The following SCN11A variants were observed in gnomAD, a reference collection of about 807,000 sequenced individuals.
The protein encoded by SCN11A is sodium channel protein type 11 subunit alpha.
In SCN11A, 122 loss-of-function variants were observed where a neutral mutation model predicts 162.2. That is an observed-to-expected ratio of 0.75 (90% confidence interval 0.65 to 0.87). The LOEUF (loss-of-function observed/expected upper bound fraction) is 0.87. Among genes scored for constraint, SCN11A ranks in the 40% least tolerant of loss-of-function variants. The pLI is 0.00. For missense variants in SCN11A, 2,015 were observed against 2,181.6 expected, an observed-to-expected ratio of 0.92 and a Z score of 1.52; for synonymous variants, 758 against 751.5, an observed-to-expected ratio of 1.01 and a Z score of -0.14.
chr3:39,005,564 C>T (rs57435652), intron 2 of SCN11A, among the ~76,000 whole-genome samples: 23,134 of 152,252 alleles, frequency 0.15, 3,503 homozygotes, highest in African/African-American at 0.39. Flanking sequence ...CTCAAAGTGC[C>T]CATTTACAGT....
At chr3:38,949,574 T>C (rs2066569286) in intron 5 of SCN11A, among the ~76,000 whole-genome samples, 1 of 152,210 alleles carries the variant, frequency 6.6e-6, no homozygotes, top group African/African-American at 2.4e-5. Flanking sequence ...GTTTTTAAGG[T>C]AAAATCTTGT....
At chr3:38,883,591 C>T (rs1219129768) in intron 21 of SCN11A, among the ~76,000 whole-genome samples, 1 of 152,154 alleles carries the variant, frequency 6.6e-6, no homozygotes, top group African/African-American at 2.4e-5. Flanking sequence ...GAATGGAAGT[C>T]ACACTGTGCC....
chr3:38,950,616 A>G lies in SCN11A; in HGVS notation c.-7-247T>C, dbSNP rs35946914. On this transcript the variant is annotated intron_variant, in intron 4 of 29. Transcript: ENST00000302328. ...GCATCATTCCTGGAGGACCTGGCAA[A>G]AGGCGGGAAGTTGAGTTCAGGAACA... is the stretch of plus-strand genomic sequence containing the variant. 0.36 allele frequency: 172,772 copies of G among 479,902 alleles called. 31,939 individuals are homozygous for G. The highest frequency in any genetic ancestry group is 0.48 in the African/African-American group (24,686 of 51,678). The allele number at this position is 479,902 out of a possible 1,614,324, so 29.7% of individuals were successfully genotyped here.
In SCN11A at chr3:39,034,813, T is replaced by C. The variant is rs542752963; in HGVS notation, c.-403-2310A>G. On this transcript the variant is annotated intron_variant, in intron 1 of 29. Coordinates refer to ENST00000302328, the MANE Select transcript of SCN11A (RefSeq NM_001349253.2). ...AATCAGTAGCATTCCTGTATGTCAA[T>C]AGTGAACAATCTGAAGGAAGGTAAT... Among the ~76,000 whole-genome samples, 15 of 152,240 alleles carry C rather than the reference T, an allele frequency of 9.9e-5. No individual in the cohort carries two copies. The East Asian group carries it at 2.5e-3, about 25-fold the overall frequency.
intron 2 of SCN11A, among the ~76,000 whole-genome samples, chr3:38,986,850 T>C (rs912601623): frequency 6.6e-6 from 1 of 152,208 alleles, no homozygotes; most frequent in Non-Finnish European, 1.5e-5. Context: ...TTGAGGTTTG[T>C]ACTGAGTCTC....
At position 38,894,795 on chromosome 3, in the gene SCN11A, C is replaced by T. The variant is rs886661121; in HGVS notation, c.2573G>A (p.Cys858Tyr). 2.5e-6 allele frequency: 4 copies of T among 1,614,178 alleles called. No homozygotes were observed. Among genetic ancestry groups the T allele is most frequent in the South Asian group, 1.1e-5 (1 of 91,084 alleles). ...TTGCTGTGGTAAGTTTTGCTTCCTGCACCACTTGTGACAGAAATGCTCAAG... is the reference window on the plus strand; with the variant it reads ...TTGCTGTGGTAAGTTTTGCTTCCTGTACCACTTGTGACAGAAATGCTCAAG... ...HTLEHFCHKW[C>Y]RKQNLPQQKE... The change falls in exon 19 of 30, where the codon TGC (cysteine) becomes TAC (tyrosine). Residue 858 changes from cysteine (C) to tyrosine (Y), a missense_variant. Cys to Tyr is a radical substitution (Grantham distance 194). Coordinates refer to ENST00000302328, the MANE Select transcript of SCN11A (RefSeq NM_001349253.2).
At chr3:39,029,558 G>A (rs931405257) in intron 2 of SCN11A, among the ~76,000 whole-genome samples, 1 of 152,194 alleles carries the variant, frequency 6.6e-6, no homozygotes, top group African/African-American at 2.4e-5. Context: ...ATGAAGAGAT[G>A]GTTCAAGGCA....
chr3:38,943,361 TG>T (rs1006086005), intron 7 of SCN11A, among the ~76,000 whole-genome samples: 2 of 152,124 alleles, frequency 1.3e-5, no homozygotes, highest in Non-Finnish European at 2.9e-5. Context: ...TGAGACGTTT[TG>T]GGGGGTAATT....
chr3:38,982,395 T>C (rs1358193684), intron 2 of SCN11A, among the ~76,000 whole-genome samples: 2 of 152,212 alleles, frequency 1.3e-5, no homozygotes, highest in Non-Finnish European at 2.9e-5. Context: ...CAAGTCTTCC[T>C]GGCCCACTAA....
intron 2 of SCN11A, among the ~76,000 whole-genome samples, chr3:39,026,766 T>C (rs1368910673): frequency 6.6e-6 from 1 of 152,056 alleles, no homozygotes; most frequent in Non-Finnish European, 1.5e-5. Flanking sequence ...GCAGCCAGGA[T>C]AAGAAGATAC....
chr3:38,989,604 C>T (rs570474056), intron 2 of SCN11A, among the ~76,000 whole-genome samples: 11 of 152,224 alleles, frequency 7.2e-5, no homozygotes, highest in Non-Finnish European at 4.4e-5. Context: ...TCCTCTTCCT[C>T]ATCCACATGC....
intron 23 of SCN11A, among the ~76,000 whole-genome samples, 157 bp from the exon 24 acceptor site, chr3:38,872,451 T>C (rs1169734188): frequency 2.0e-5 from 3 of 152,140 alleles, no homozygotes; most frequent in Admixed American, 6.6e-5. Context: ...CGAGAAATTG[T>C]TGTGAATTAA....
intron 2 of SCN11A, among the ~76,000 whole-genome samples, chr3:38,966,902 C>T (rs1316458984): frequency 6.6e-6 from 1 of 152,112 alleles, no homozygotes; most frequent in Non-Finnish European, 1.5e-5. Flanking sequence ...GGTTTGGGTT[C>T]CCCCAGAAGC....
Position 38,921,126 on chromosome 3 carries a change from A to T in SCN11A, c.842T>A (p.Leu281Gln). The T allele has an allele frequency of 6.2e-7, 1 of 1,614,110 alleles. No homozygotes were observed. The highest frequency in any genetic ancestry group is 8.5e-7 in the Non-Finnish European group (1 of 1,179,940). Residue 281 changes from leucine (L) to glutamine (Q), a missense_variant, in exon 10 of 30, where the codon CTG (leucine) becomes CAG (glutamine). Coordinates refer to ENST00000302328, the MANE Select transcript of SCN11A (RefSeq NM_001349253.2). ...GQQLFMGSLNLKCISRDCKNI... is the reference protein window; with the variant it reads ...GQQLFMGSLNQKCISRDCKNI... ...TTTACAGTCCCTCGAGATGCATTTCAGGTTCAGACTTCCCATGAAGAGCTG... is the reference window on the plus strand; with the variant it reads ...TTTACAGTCCCTCGAGATGCATTTCTGGTTCAGACTTCCCATGAAGAGCTG...
chr3:38,999,037 C>T (rs895783265), intron 2 of SCN11A, among the ~76,000 whole-genome samples: 2 of 151,956 alleles, frequency 1.3e-5, no homozygotes, highest in Admixed American at 6.6e-5. Flanking sequence ...TGCACATGTA[C>T]CCTAAAACTT....
intron 7 of SCN11A, among the ~76,000 whole-genome samples, chr3:38,937,555 G>A (rs2125564835): frequency 6.6e-6 from 1 of 151,604 alleles, no homozygotes; most frequent in East Asian, 1.9e-4. Flanking sequence ...ATCAAAAAGT[G>A]GGCGAAGGAC....
At chr3:38,941,783 G>GAAC (rs536572117) in intron 7 of SCN11A, among the ~76,000 whole-genome samples, 2 of 139,538 alleles carry the variant, frequency 1.4e-5, no homozygotes, top group South Asian at 4.4e-4. Context: ...AGTAGCAAAG[G>GAAC]AACAACAACA....
At chr3:38,988,791 T>A (rs1394716694) in intron 2 of SCN11A, among the ~76,000 whole-genome samples, 1 of 152,230 alleles carries the variant, frequency 6.6e-6, no homozygotes, top group Non-Finnish European at 1.5e-5. Context: ...GGTAAGTGGC[T>A]TGTCCAAGGT....
chr3:38,867,408 G>C lies in SCN11A; in HGVS notation c.3864C>G (p.Phe1288Leu). ...FESNSLGYIY[F>L]VVFIIFGSFF... ...ATGAGCCAAAGATGATAAAGACTAC[G>C]AAGTAAATGTAACCGAGTGAATTGC... Residue 1288 changes from phenylalanine to leucine, a missense_variant, in exon 27 of 30, where the codon TTC becomes TTG. Coordinates refer to ENST00000302328, the MANE Select transcript of SCN11A (RefSeq NM_001349253.2). 1 of 1,612,886 alleles carries C rather than the reference G, an allele frequency of 6.2e-7. No individual in the cohort carries two copies. Among genetic ancestry groups the C allele is most frequent in the Non-Finnish European group, 8.5e-7 (1 of 1,178,968 alleles).
Sources: allele counts gnomAD v4.1 joint callset (sites outside exome capture counted in the v4.1 genomes callset), GRCh38; gene constraint gnomAD v4.1.1; transcripts MANE v1.5; gene names NCBI Gene and HGNC (gene_info 2026-07-23, HGNC 2026-07-21).